SLC35F4: variants seen among roughly 807,000 people sequenced by gnomAD.
SLC35F4 encodes chromosome 14 open reading frame 36.
SLC35F4 carries 24 observed loss-of-function variants against 44.2 expected under a neutral mutation model. The observed-to-expected ratio is 0.54, with a 90% CI of 0.39 to 0.76. The LOEUF is 0.76. SLC35F4 is among the 30% of genes least tolerant of loss of function. The pLI is 0.00. For synonymous variants in SLC35F4, 238 were observed against 223.6 expected (o/e 1.06, Z -0.57); for missense variants, 562 against 586.1 (o/e 0.96, Z 0.42).
intron 5 of SLC35F4, among the ~76,000 whole-genome samples, 195 bp downstream of exon 5, chr14:57,571,699 C>T (rs2068513468): frequency 1.3e-5 from 2 of 152,266 alleles, no homozygotes; most frequent in South Asian, 4.2e-4. Context: ...AGTATTTATG[C>T]CTCATAAGGT....
chr14:57,902,613 T>G (rs781585391), intron 1 of SLC35F4, among the ~76,000 whole-genome samples: 22 of 151,248 alleles, frequency 1.5e-4, no homozygotes, highest in Non-Finnish European at 2.9e-4. Context: ...TCCCAAGAAC[T>G]TATCCTATGG....
chr14:57,594,231 C>A, intron 1 of SLC35F4, 107 bp from the exon 2 acceptor site: 1 of 1,138,612 alleles, frequency 8.8e-7, no homozygotes, highest in Non-Finnish European at 1.2e-6. Flanking sequence ...ACTCTGTCAC[C>A]CAGGCTAGAG....
intron 1 of SLC35F4, among the ~76,000 whole-genome samples, chr14:57,804,870 C>T (rs1232713458): frequency 1.3e-5 from 2 of 152,124 alleles, no homozygotes; most frequent in Non-Finnish European, 2.9e-5. Flanking sequence ...ATATATCCGT[C>T]TCACAAAGGT....
chr14:57,617,332 A>G (rs1458972345), intron 1 of SLC35F4, among the ~76,000 whole-genome samples: 1 of 151,644 alleles, frequency 6.6e-6, no homozygotes, highest in Non-Finnish European at 1.5e-5. Flanking sequence ...GGGTTTCACC[A>G]TGTTAGCCAG....
At chr14:57,609,552 G>A (rs531823408) in intron 1 of SLC35F4, among the ~76,000 whole-genome samples, 1 of 152,316 alleles carries the variant, frequency 6.6e-6, no homozygotes, top group South Asian at 2.1e-4. Context: ...CATGTGAGGC[G>A]AATTATGGGA....
intron 1 of SLC35F4, among the ~76,000 whole-genome samples, chr14:57,980,384 G>T (rs1473371632): frequency 1.3e-5 from 2 of 152,220 alleles, no homozygotes; most frequent in Non-Finnish European, 2.9e-5. Flanking sequence ...GTCTTGGAAA[G>T]GTTGAGAGAA....
At chr14:57,658,330 TC>T (rs2074033022) in intron 1 of SLC35F4, among the ~76,000 whole-genome samples, 1 of 152,230 alleles carries the variant, frequency 6.6e-6, no homozygotes, top group African/African-American at 2.4e-5. Flanking sequence ...ATGTAAGCTT[TC>T]TAAATGTTCC....
chr14:57,906,823 C>A (rs772027453), intron 1 of SLC35F4, among the ~76,000 whole-genome samples: 2 of 152,108 alleles, frequency 1.3e-5, no homozygotes, highest in African/African-American at 4.8e-5. Context: ...GGGTAAAATA[C>A]GTCCAATGAT....
chr14:57,924,966 G>A (rs6573180), intron 1 of SLC35F4, among the ~76,000 whole-genome samples: 17 of 151,722 alleles, frequency 1.1e-4, no homozygotes, highest in South Asian at 2.1e-4. Context: ...ATGTTGCCCC[G>A]GCTGGTCTTG....
chr14:57,936,295 T>A (rs558876952), intron 1 of SLC35F4, among the ~76,000 whole-genome samples: 1 of 152,316 alleles, frequency 6.6e-6, no homozygotes, highest in African/African-American at 2.4e-5. Context: ...AGGATAAGCC[T>A]ACAGAGATGG....
intron 1 of SLC35F4, among the ~76,000 whole-genome samples, chr14:57,667,846 C>A (rs903990046): frequency 1.5e-4 from 23 of 149,586 alleles, no homozygotes; most frequent in African/African-American, 5.7e-4. Flanking sequence ...TGGGTATATA[C>A]CCAGTAATGG....
At chr14:57,704,895 G>A in intron 1 of SLC35F4, among the ~76,000 whole-genome samples, 1 of 152,168 alleles carries the variant, frequency 6.6e-6, no homozygotes, top group East Asian at 1.9e-4. Flanking sequence ...GCCCATCAGG[G>A]CTTCTTGCAG....
intron 1 of SLC35F4, among the ~76,000 whole-genome samples, chr14:57,767,917 T>C (rs1053386083): frequency 6.6e-6 from 1 of 152,110 alleles, no homozygotes; most frequent in Non-Finnish European, 1.5e-5. Context: ...TTAGAAGAAA[T>C]GGACCAGTCT....
chr14:57,621,993 A>G (rs1014739482), intron 1 of SLC35F4, among the ~76,000 whole-genome samples: 1 of 151,398 alleles, frequency 6.6e-6, no homozygotes, highest in African/African-American at 2.4e-5. Context: ...CAACCCCATC[A>G]AAAAGTGGGC....
chr14:57,880,285 A>G (rs1888506084), intron 1 of SLC35F4, among the ~76,000 whole-genome samples: 1 of 152,212 alleles, frequency 6.6e-6, no homozygotes, highest in African/African-American at 2.4e-5. Flanking sequence ...TAAATGTAAA[A>G]TAGTATTATC....
chr14:57,925,497 G>T (rs1179051173), intron 1 of SLC35F4, among the ~76,000 whole-genome samples: 1 of 5,920 alleles, frequency 1.7e-4, no homozygotes, highest in South Asian at 9.1e-3. Flanking sequence ...AAGGAAGGAA[G>T]GGAGGGAGGG....
At chr14:57,943,099 C>T (rs1052037336) in intron 1 of SLC35F4, among the ~76,000 whole-genome samples, 1 of 152,204 alleles carries the variant, frequency 6.6e-6, no homozygotes, top group South Asian at 2.1e-4. Flanking sequence ...CATCAGGAAA[C>T]CACCAAAATA....
chr14:57,703,444 C>A (rs2075592388), intron 1 of SLC35F4, among the ~76,000 whole-genome samples: 1 of 152,186 alleles, frequency 6.6e-6, no homozygotes, highest in African/African-American at 2.4e-5. Flanking sequence ...CCCAAGAGGC[C>A]AACAGACAAA....
chr14:57,705,661 C>T (rs1170839951), intron 1 of SLC35F4, among the ~76,000 whole-genome samples: 1 of 151,942 alleles, frequency 6.6e-6, no homozygotes, highest in Admixed American at 6.6e-5. Context: ...TTTCCCTCTG[C>T]TTCTTGAGAC....
Sources: allele counts gnomAD v4.1 joint callset (sites outside exome capture counted in the v4.1 genomes callset), GRCh38; gene constraint gnomAD v4.1.1; transcripts MANE v1.5; gene names NCBI Gene and HGNC (gene_info 2026-07-23, HGNC 2026-07-21).